PMEL: variants seen among roughly 807,000 people sequenced by gnomAD.
The protein encoded by PMEL is premelanosome protein, also known as melanocyte protein PMEL.
PMEL carries 53 observed loss-of-function variants against 64.9 expected under a neutral mutation model. The observed-to-expected ratio is 0.82, with a 90% CI of 0.66 to 1.03. PMEL has a LOEUF of 1.03. PMEL is among the 50% of genes least tolerant of loss of function. The probability of loss-of-function intolerance (pLI) is 0.00; values close to 1 mark genes in which losing one functional copy is unlikely to be tolerated. For missense variants in PMEL, 716 were observed against 814.9 expected (o/e 0.88, Z 1.48); for synonymous variants, 299 against 316.2 (o/e 0.95, Z 0.58).
Position 55,954,133 on chromosome 12 carries a change from T to C in PMEL, c.*81A>G. 1 of 1,321,340 alleles carries C rather than the reference T, an allele frequency of 7.6e-7. No homozygotes were observed. Among genetic ancestry groups the C allele is most frequent in the Non-Finnish European group, 1.0e-6 (1 of 953,956 alleles). 81.9% of individuals were successfully genotyped at this position (1,321,340 alleles called of 1,614,324 possible). On this transcript the variant is annotated 3_prime_UTR_variant, in exon 11 of 11. Coordinates refer to ENST00000548747, the MANE Select transcript of PMEL (RefSeq NM_001384361.1). ...GGCTCTGAGTATTTATTTCAGTTAA[T>C]AGTAGTCTCCCAGGGAAGACTGGGG...
chr12:55,955,949 C>T, intron 7 of PMEL, 86 bp from the exon 8 acceptor site: 1 of 1,228,900 alleles, frequency 8.1e-7, no homozygotes. Flanking sequence ...AGGGCTGCTC[C>T]ACCAATCCCA....
In PMEL at chr12:55,957,300, T is replaced by C. The variant is rs769176300; in HGVS notation, c.1003A>G (p.Thr335Ala). The change falls in exon 6 of 11, where the codon ACT becomes GCT. Residue 335 changes from threonine (T) to alanine (A), a missense_variant. By Grantham distance (58) the Thr-to-Ala change is moderately conservative (BLOSUM62 0). Coordinates refer to ENST00000548747, the MANE Select transcript of PMEL (RefSeq NM_001384361.1). Reference sequence around the variant, plus strand: ...GCAGTTGGCGCCTGACCAGGTGTAGTACCCACAACTTCTGTAGTAGGCACT... The same window carrying C: ...GCAGTTGGCGCCTGACCAGGTGTAGCACCCACAACTTCTGTAGTAGGCACT... ...GQVPTTEVVG[T>A]TPGQAPTAEP... 5 of 1,609,336 alleles carry C rather than the reference T, an allele frequency of 3.1e-6. No homozygotes were observed. Among genetic ancestry groups the C allele is most frequent in the Non-Finnish European group, 4.2e-6 (5 of 1,176,730 alleles).
chr12:55,956,567 A>G (rs1888893627), intron 6 of PMEL: 1 of 315,232 alleles, frequency 3.2e-6, no homozygotes, highest in Admixed American at 4.6e-5. Flanking sequence ...TTGGGATGGG[A>G]ATCCAGGGTT....
At chr12:55,957,878 C>G in intron 5 of PMEL, 45 bp downstream of exon 5, 1 of 1,606,820 alleles carries the variant, frequency 6.2e-7, no homozygotes, top group South Asian at 1.1e-5. Context: ...GCCTCCCTGC[C>G]TTCTCTTGCC....
upstream of PMEL, chr12:55,966,045 G>A (rs1301521948): frequency 6.2e-6 from 10 of 1,614,192 alleles, no homozygotes; most frequent in Non-Finnish European, 8.5e-6. Context: ...AAGGCACTGG[G>A]GGGACTGGGA....
At chr12:55,956,280 G>T in intron 6 of PMEL, 61 bp from the exon 7 acceptor site, 4 of 1,040,986 alleles carry the variant, frequency 3.8e-6, no homozygotes, top group Non-Finnish European at 5.9e-6. Flanking sequence ...GGAGGCAGAG[G>T]CCAAGCAGGC....
chr12:55,954,159 G>A lies in PMEL; in HGVS notation c.*55C>T, dbSNP rs1199681920. On this transcript the variant is annotated 3_prime_UTR_variant, in exon 11 of 11. Coordinates refer to ENST00000548747, the MANE Select transcript of PMEL (RefSeq NM_001384361.1). Reference sequence around the variant, plus strand: ...AGTAGTCTCCCAGGGAAGACTGGGGGAAATATAGGTGTTTCTGTCAACTCC... The same window carrying A: ...AGTAGTCTCCCAGGGAAGACTGGGGAAAATATAGGTGTTTCTGTCAACTCC... 22 of 1,519,124 alleles carry A rather than the reference G, an allele frequency of 1.4e-5. No homozygotes were observed. The highest frequency in any genetic ancestry group is 1.7e-5 in the Non-Finnish European group (19 of 1,119,492). The allele number at this position is 1,519,124 out of a possible 1,614,324, so 94.1% of individuals were successfully genotyped here.
In PMEL at chr12:55,957,413, G is replaced by T. The variant is rs141332969; in HGVS notation, c.890C>A (p.Pro297His). Residue 297 changes from proline to histidine, a missense_variant, in exon 6 of 11, where the codon CCT becomes CAT. Pro to His is a moderately conservative substitution (Grantham distance 77). Coordinates refer to ENST00000548747, the MANE Select transcript of PMEL (RefSeq NM_001384361.1). ...TAQVVLQAAI[P>H]LTSCGSSPVP... ...TGGGGAGGAGCCACAGGAGGTGAGA[G>T]GAATGGCAGCCTGCAGGACCACCTG... 1,383 of 1,606,500 alleles carry T rather than the reference G, an allele frequency of 8.6e-4. No individual in the cohort carries two copies. The highest frequency in any genetic ancestry group is 1.1e-3 in the Non-Finnish European group (1,297 of 1,175,212).
In PMEL at chr12:55,957,296, G is replaced by A. The variant is rs1337834750; in HGVS notation, c.1007C>T (p.Thr336Ile). Residue 336 changes from threonine to isoleucine, a missense_variant, in exon 6 of 11, where the codon ACA becomes ATA. Physicochemically the swap from Thr to Ile is moderately conservative, Grantham distance 89. Transcript: ENST00000548747. ...CTCTGCAGTTGGCGCCTGACCAGGT[G>A]TAGTACCCACAACTTCTGTAGTAGG... ...QVPTTEVVGTTPGQAPTAEPS... is the reference protein window; with the variant it reads ...QVPTTEVVGTIPGQAPTAEPS... 6.2e-7 allele frequency: 1 copy of A among 1,610,388 alleles called. No homozygotes were observed. Among genetic ancestry groups the A allele is most frequent in the African/African-American group, 1.3e-5 (1 of 74,786 alleles).
In PMEL at chr12:55,954,202, A is replaced by G. The variant is rs991518265; in HGVS notation, c.*12T>C. The G allele has an allele frequency of 6.3e-7, 1 of 1,599,720 alleles. No individual in the cohort carries two copies. Among genetic ancestry groups the G allele is most frequent in the African/African-American group, 1.3e-5 (1 of 74,308 alleles). On this transcript the variant is annotated 3_prime_UTR_variant, in exon 11 of 11. Coordinates refer to ENST00000548747, the MANE Select transcript of PMEL (RefSeq NM_001384361.1). ...TCAACTCCAGGAAAATCACAGCATC[A>G]TATGAGAGTACTCAGACCTGCTGCC... is the stretch of plus-strand genomic sequence containing the variant.
At chr12:55,958,677 G>T in intron 3 of PMEL, 70 bp from the exon 4 acceptor site, 3 of 1,504,382 alleles carry the variant, frequency 2.0e-6, no homozygotes, top group Non-Finnish European at 1.8e-6. Flanking sequence ...CCCTAAAATT[G>T]CTCCCAGGGT....
At chr12:55,959,840 A>T (rs2136443215) in intron 3 of PMEL, among the ~76,000 whole-genome samples, 1 of 151,758 alleles carries the variant, frequency 6.6e-6, no homozygotes, top group African/African-American at 2.4e-5. Context: ...AGCACTAGAT[A>T]GCATTTATTT....
chr12:55,959,087 A>G (rs879369523), intron 3 of PMEL, among the ~76,000 whole-genome samples: 20 of 150,534 alleles, frequency 1.3e-4, no homozygotes, highest in Admixed American at 1.1e-3. Context: ...GCCAGAAGCT[A>G]TAATTTAATT....
chr12:55,957,931 G>T lies in PMEL; in HGVS notation c.623C>A (p.Thr208Asn), dbSNP rs1245590196. The T allele has an allele frequency of 6.2e-7, 1 of 1,613,998 alleles. No individual in the cohort carries two copies. Among genetic ancestry groups the T allele is most frequent in the Non-Finnish European group, 8.5e-7 (1 of 1,180,020 alleles). ...VPLAHSSSAF[T>N]ITDQVPFSVS... Reference sequence around the variant, plus strand: ...CCTTCCTAAACCCTTACCAGTAATGGTGAAGGCTGAGCTGGAATGAGCAAG... The same window carrying T: ...CCTTCCTAAACCCTTACCAGTAATGTTGAAGGCTGAGCTGGAATGAGCAAG... The change falls in exon 5 of 11, where the codon ACC becomes AAC. Residue 208 changes from threonine to asparagine, a missense_variant. Transcript: ENST00000548747.
rs923999883 is a variant in PMEL at position 55,958,574 on chromosome 12, G to C, written c.368C>G (p.Pro123Arg). The C allele has an allele frequency of 4.3e-6, 7 of 1,613,904 alleles. No homozygotes were observed. In the African/African-American group the frequency reaches 8.0e-5, roughly 18 times the overall value. Residue 123 changes from proline to arginine, a missense_variant, in exon 4 of 11, where the codon CCC (proline) becomes CGC (arginine). Coordinates refer to ENST00000548747, the MANE Select transcript of PMEL (RefSeq NM_001384361.1). ...GATGCAGGCATCGTCAGTTTCCTGG[G>C]GATACACTGGCTGTCCTCCCCACAC... ...SQVWGGQPVY[P>R]QETDDACIFP...
chr12:55,954,110 C>G lies in PMEL; in HGVS notation c.*104G>C. On this transcript the variant is annotated 3_prime_UTR_variant, in exon 11 of 11. Transcript: ENST00000548747. ...AAGCAACAGAAAAACCAGCATCAGG[C>G]TCTGAGTATTTATTTCAGTTAATAG... 8.8e-7 allele frequency: 1 copy of G among 1,134,932 alleles called. No homozygotes were observed. The highest frequency in any genetic ancestry group is 1.6e-5 in the South Asian group (1 of 61,908). The allele number at this position is 1,134,932 out of a possible 1,614,324, so 70.3% of individuals were successfully genotyped here. A position where few individuals can be genotyped will look rare whatever the true frequency, so the allele number is the denominator to read the frequency against.
At chr12:55,965,369 C>T (rs1889256561) in intron 1 of PMEL, among the ~76,000 whole-genome samples, 1 of 152,026 alleles carries the variant, frequency 6.6e-6, no homozygotes, top group East Asian at 1.9e-4. Flanking sequence ...CTCCTCAGAG[C>T]AGCACGGGAC....
In PMEL at chr12:55,956,168, C is replaced by T; in HGVS notation, c.1406G>A (p.Arg469Lys). ...CAGAACACAATCCAGGGGGACTTGT[C>T]TCTTCACCAGCCTTAAGGTGGCTGT... ...DGTATLRLVK[R>K]QVPLDCVLYR... The change falls in exon 7 of 11, where the codon AGA becomes AAA. Residue 469 changes from arginine (R) to lysine (K), a missense_variant. Arg to Lys is a conservative substitution (Grantham distance 26). Coordinates refer to ENST00000548747, the MANE Select transcript of PMEL (RefSeq NM_001384361.1). The T allele has an allele frequency of 6.2e-7, 1 of 1,614,160 alleles. No homozygotes were observed. The highest frequency in any genetic ancestry group is 8.5e-7 in the Non-Finnish European group (1 of 1,179,986).
rs76460762 is a variant in PMEL at position 55,958,158 on chromosome 12, C to A, written c.470-74G>T. Reference sequence around the variant, plus strand: ...GGGGACTGAGGGACAGGCTTCGAAACGGCACTGGAGATGGGAGGTCAGGAA... The same window carrying A: ...GGGGACTGAGGGACAGGCTTCGAAAAGGCACTGGAGATGGGAGGTCAGGAA... On this transcript the variant is annotated intron_variant, in intron 4 of 10. Transcript: ENST00000548747. 659 of 1,485,370 alleles carry A rather than the reference C, an allele frequency of 4.4e-4. 2 individuals carry two copies. Among genetic ancestry groups the A allele is most frequent in the Admixed American group, 3.6e-4 (20 of 55,424 alleles). 92.0% of individuals were successfully genotyped at this position (1,485,370 alleles called of 1,614,324 possible).
Sources: allele counts gnomAD v4.1 joint callset (sites outside exome capture counted in the v4.1 genomes callset), GRCh38; gene constraint gnomAD v4.1.1; transcripts MANE v1.5; gene names NCBI Gene and HGNC (gene_info 2026-07-23, HGNC 2026-07-21).